NRG3: variants seen among roughly 807,000 people sequenced by gnomAD.
The protein encoded by NRG3 is pro-neuregulin-3, membrane-bound isoform.
Under a neutral mutation model 66.9 loss-of-function variants are expected in NRG3, and 31 were observed. The ratio of observed to expected loss-of-function variants is 0.46; its 90% confidence interval spans 0.35 to 0.63. NRG3 has a LOEUF of 0.63. NRG3 is among the 20% of genes least tolerant of loss of function. The pLI is 0.00. For missense variants in NRG3, 910 were observed against 878.9 expected, an observed-to-expected ratio of 1.04 and a Z score of -0.45; for synonymous variants, 393 against 359.4, an observed-to-expected ratio of 1.09 and a Z score of -1.06.
At chr10:82,796,344 T>C (rs1253378916) in intron 3 of NRG3, among the ~76,000 whole-genome samples, 45 of 152,154 alleles carry the variant, frequency 3.0e-4, no homozygotes, top group Non-Finnish European at 1.5e-5. Flanking sequence ...TCAGCTCCTA[T>C]TGGAAGCCTG....
intron 2 of NRG3, among the ~76,000 whole-genome samples, chr10:82,687,792 C>A (rs2054624218): frequency 6.6e-6 from 1 of 152,106 alleles, no homozygotes; most frequent in African/African-American, 2.4e-5. Context: ...CCCACATCTT[C>A]AACTCACCTT....
At chr10:82,097,752 A>G (rs1257822563) in intron 1 of NRG3, among the ~76,000 whole-genome samples, 2 of 151,952 alleles carry the variant, frequency 1.3e-5, no homozygotes, top group Non-Finnish European at 2.9e-5. Flanking sequence ...TCCTGACAGC[A>G]TTTGGTAGTA....
chr10:82,155,812 A>G, intron 1 of NRG3, among the ~76,000 whole-genome samples: 1 of 151,582 alleles, frequency 6.6e-6, no homozygotes, highest in Non-Finnish European at 1.5e-5. Flanking sequence ...TTTATATTTC[A>G]TGTGATTATA....
At chr10:82,013,356 T>C (rs898007282) in intron 1 of NRG3, among the ~76,000 whole-genome samples, 4 of 152,180 alleles carry the variant, frequency 2.6e-5, no homozygotes, top group African/African-American at 9.7e-5. Flanking sequence ...ACATGGGGAT[T>C]ATTACAATTC....
chr10:82,004,933 C>T (rs1418255125), intron 1 of NRG3, among the ~76,000 whole-genome samples: 1 of 152,214 alleles, frequency 6.6e-6, no homozygotes, highest in Non-Finnish European at 1.5e-5. Context: ...GTTTAAGCCA[C>T]TAAGTCTGTG....
Position 82,620,397 on chromosome 10 carries a change from G to C in NRG3, c.954-118180G>C, listed in dbSNP as rs79279690. 2.2e-4 allele frequency among the ~76,000 whole-genome samples: 33 copies of C among 152,252 alleles called. No individual in the cohort carries two copies. The East Asian group carries it at 6.4e-3, about 30-fold the overall frequency. Reference sequence around the variant, plus strand: ...TTATTCAGCGAAGGAAATGGCTCTCGGCAGAGAGGGGAGCTGGAGAGGGGA... The same window carrying C: ...TTATTCAGCGAAGGAAATGGCTCTCCGCAGAGAGGGGAGCTGGAGAGGGGA... On this transcript the variant is annotated intron_variant, in intron 2 of 8. Coordinates refer to ENST00000372141, the MANE Select transcript of NRG3 (RefSeq NM_001010848.4).
chr10:82,314,766 C>T (rs993658142), intron 1 of NRG3, among the ~76,000 whole-genome samples: 9 of 152,104 alleles, frequency 5.9e-5, no homozygotes, highest in African/African-American at 1.7e-4. Context: ...GCTGAGATCT[C>T]GCCACTGCAC....
At chr10:82,949,866 C>G (rs1224436191) in intron 4 of NRG3, among the ~76,000 whole-genome samples, 1 of 149,886 alleles carries the variant, frequency 6.7e-6, no homozygotes, top group Non-Finnish European at 1.5e-5. Context: ...AAAACAAAAA[C>G]AAAACCAAAA....
chr10:82,797,774 G>A (rs766197106), intron 3 of NRG3, among the ~76,000 whole-genome samples: 5 of 152,008 alleles, frequency 3.3e-5, no homozygotes, highest in African/African-American at 4.8e-5. Context: ...TTGGTAGATC[G>A]GAGTTGTCTT....
Position 81,923,992 on chromosome 10 carries a change from T to A in NRG3, c.823+47829T>A, listed in dbSNP as rs191251124. ...CTGCAGCACTGAAATAGGTGCTCGT[T>A]AAATGTTTGTAGGATGAATGCTGAG... On this transcript the variant is annotated intron_variant, in intron 1 of 8. Coordinates refer to ENST00000372141, the MANE Select transcript of NRG3 (RefSeq NM_001010848.4). Among the ~76,000 whole-genome samples, 176 of 152,288 alleles carry A rather than the reference T, an allele frequency of 1.2e-3. 1 individual carries two copies. Among genetic ancestry groups the A allele is most frequent in the Middle Eastern group, 0.01 (3 of 294 alleles).
intron 4 of NRG3, among the ~76,000 whole-genome samples, chr10:82,942,175 G>C (rs1848633486): frequency 1.3e-5 from 2 of 152,142 alleles, no homozygotes; most frequent in Non-Finnish European, 2.9e-5. Context: ...AGGGGATATG[G>C]AGGTGCCATT....
intron 1 of NRG3, among the ~76,000 whole-genome samples, chr10:82,204,454 A>T (rs1389318845): frequency 6.6e-6 from 1 of 152,194 alleles, no homozygotes; most frequent in Non-Finnish European, 1.5e-5. Flanking sequence ...CAACCACTGT[A>T]TATGACTGAA....
chr10:82,116,681 G>A (rs1335161924), intron 1 of NRG3, among the ~76,000 whole-genome samples: 1 of 152,116 alleles, frequency 6.6e-6, no homozygotes, highest in Non-Finnish European at 1.5e-5. Flanking sequence ...AAACAAAAGT[G>A]TTTAATAGAC....
intron 1 of NRG3, among the ~76,000 whole-genome samples, chr10:82,132,525 G>T (rs2347774): frequency 0.2 from 10,750 of 54,282 alleles, 2,542 homozygotes; most frequent in African/African-American, 0.41. Flanking sequence ...TGATATATAT[G>T]ATATATATAT....
At chr10:82,331,398 C>A (rs944119727) in intron 1 of NRG3, among the ~76,000 whole-genome samples, 1 of 152,132 alleles carries the variant, frequency 6.6e-6, no homozygotes, top group African/African-American at 2.4e-5. Context: ...TATAAAAATT[C>A]CCTGATGCTA....
intron 1 of NRG3, among the ~76,000 whole-genome samples, chr10:82,338,014 A>G (rs1327955813): frequency 6.6e-6 from 1 of 152,234 alleles, no homozygotes; most frequent in Admixed American, 6.5e-5. Context: ...TCCCATGTAC[A>G]TATGCTTCAT....
At chr10:82,267,189 C>T (rs2078342732) in intron 1 of NRG3, among the ~76,000 whole-genome samples, 1 of 152,144 alleles carries the variant, frequency 6.6e-6, no homozygotes. Context: ...ACACTTAGCT[C>T]CTTTCTAGGA....
intron 1 of NRG3, among the ~76,000 whole-genome samples, chr10:82,064,888 C>A (rs2064365385): frequency 6.6e-6 from 1 of 151,676 alleles, no homozygotes; most frequent in Admixed American, 6.6e-5. Context: ...AACCAAAGTC[C>A]TCAGTATGTT....
intron 3 of NRG3, among the ~76,000 whole-genome samples, chr10:82,847,346 G>T (rs1412923127): frequency 1.3e-5 from 2 of 152,076 alleles, no homozygotes; most frequent in Admixed American, 6.6e-5. Context: ...GAATAGATGT[G>T]GTACAGTGGC....
Sources: allele counts gnomAD v4.1 joint callset (sites outside exome capture counted in the v4.1 genomes callset), GRCh38; gene constraint gnomAD v4.1.1; transcripts MANE v1.5; gene names NCBI Gene and HGNC (gene_info 2026-07-23, HGNC 2026-07-21).